Variants in RERE observed in about 807,000 individuals in gnomAD.
RERE encodes arginine-glutamic acid dipeptide repeats protein.
In RERE, 40 loss-of-function variants were observed where a neutral mutation model predicts 146.1. The ratio of observed to expected loss-of-function variants is 0.27; its 90% CI spans 0.21 to 0.36. The LOEUF is 0.36. RERE is among the 10% of genes least tolerant of loss of function. The pLI, the probability that RERE is intolerant of heterozygous loss-of-function variation, is 1.00. For missense variants in RERE, 1,933 were observed against 2,138.7 expected (o/e 0.90, Z 1.90); for synonymous variants, 1,003 against 866.0 (o/e 1.16, Z -2.78).
intron 1 of RERE, among the ~76,000 whole-genome samples, chr1:8,680,088 T>TG (rs1316534059): frequency 1.2e-4 from 19 of 152,064 alleles, no homozygotes; most frequent in African/African-American, 3.9e-4. Flanking sequence ...CGGGTAGGGG[T>TG]GCAAGAGATT....
intron 12 of RERE, among the ~76,000 whole-genome samples, chr1:8,372,229 C>T (rs986052426): frequency 7.2e-5 from 11 of 152,072 alleles, no homozygotes; most frequent in Admixed American, 6.5e-4. Context: ...CTCTTCTGCC[C>T]GAGCCCAGCA....
chr1:8,359,425 G>A (rs1008324813), intron 19 of RERE, among the ~76,000 whole-genome samples: 5 of 152,164 alleles, frequency 3.3e-5, no homozygotes, highest in African/African-American at 7.2e-5. Flanking sequence ...CTCTCAAGGC[G>A]CCCCCTTGTG....
chr1:8,777,974 T>C (rs1641100135), intron 1 of RERE, among the ~76,000 whole-genome samples: 1 of 152,060 alleles, frequency 6.6e-6, no homozygotes, highest in Admixed American at 6.6e-5. Context: ...CTGCACAAAT[T>C]AATTCTCTGA....
At chr1:8,705,960 C>A (rs1482867598) in intron 1 of RERE, among the ~76,000 whole-genome samples, 3 of 151,562 alleles carry the variant, frequency 2.0e-5, no homozygotes, top group Non-Finnish European at 2.9e-5. Flanking sequence ...ACTAAAAATA[C>A]AAAAAATTAG....
At chr1:8,594,740 A>C (rs1295809872) in intron 4 of RERE, among the ~76,000 whole-genome samples, 1 of 152,246 alleles carries the variant, frequency 6.6e-6, no homozygotes, top group African/African-American at 2.4e-5. Flanking sequence ...AGCATAAATA[A>C]GACTTCTGAG....
chr1:8,791,804 C>T (rs1641368114), intron 1 of RERE, among the ~76,000 whole-genome samples: 1 of 151,794 alleles, frequency 6.6e-6, no homozygotes, highest in Admixed American at 6.6e-5. Context: ...TAGTTTCAAA[C>T]CTATAACTCT....
intron 12 of RERE, among the ~76,000 whole-genome samples, chr1:8,415,128 C>T (rs1017302686): frequency 4.6e-5 from 7 of 152,076 alleles, no homozygotes; most frequent in Non-Finnish European, 1.0e-4. Flanking sequence ...AACTAGTTTT[C>T]AAAGTCAGAA....
Position 8,624,314 on chromosome 1 carries a change from T to C in RERE, c.392A>G (p.Lys131Arg). The change falls in exon 3 of 23, where the codon AAA becomes AGA. Residue 131 changes from lysine (K) to arginine (R), a missense_variant. By Grantham distance (26) the Lys-to-Arg change is conservative (BLOSUM62 2). Transcript: ENST00000400908. Reference protein sequence around the residue: ...PYFICSIQDFKLVHNSQACCR... With the variant: ...PYFICSIQDFRLVHNSQACCR... ...CAGCACATTAAAAACGCTTACCAGT[T>C]TGAAGTCTTGAATGCTACAGATGAA... The C allele has an allele frequency of 1.2e-6, 2 of 1,609,060 alleles. No individual in the cohort carries two copies. The highest frequency in any genetic ancestry group is 1.7e-6 in the Non-Finnish European group (2 of 1,177,248).
chr1:8,750,536 T>C (rs1569709473), intron 1 of RERE: 2 of 1,035,890 alleles, frequency 1.9e-6, no homozygotes, highest in East Asian at 4.7e-5. Flanking sequence ...GAGAAAGAAG[T>C]CTGCCCAAAA....
At chr1:8,717,694 A>C (rs1217131930) in intron 1 of RERE, among the ~76,000 whole-genome samples, 1 of 152,258 alleles carries the variant, frequency 6.6e-6, no homozygotes, top group Non-Finnish European at 1.5e-5. Context: ...ACCAATAGCT[A>C]TCAGGATAAA....
intron 12 of RERE, among the ~76,000 whole-genome samples, chr1:8,366,176 G>A (rs6684863): frequency 0.23 from 35,007 of 152,186 alleles, 4,709 homozygotes; most frequent in African/African-American, 0.36. Context: ...CATGAATGGG[G>A]CCCGCCTCCT....
chr1:8,609,473 G>A (rs1488772983), intron 4 of RERE, among the ~76,000 whole-genome samples: 1 of 152,130 alleles, frequency 6.6e-6, no homozygotes. Flanking sequence ...CAATTCTTCT[G>A]AAAATCCAGC....
rs149758332 is a variant in RERE, at chr1:8,514,164, G to A, written c.831-5489C>T. Among the ~76,000 whole-genome samples the A allele has an allele frequency of 4.4e-3, 665 of 152,308 alleles. 2 individuals are homozygous for A. Among genetic ancestry groups the A allele is most frequent in the Non-Finnish European group, 6.5e-3 (445 of 68,036 alleles). ...TTTTTACTTGAAAGTTCAAATCTTA[G>A]CCTTGTCAAATAGTATCAGTGTTTT... On this transcript the variant is annotated intron_variant, in intron 7 of 22. Coordinates refer to ENST00000400908, the MANE Select transcript of RERE (RefSeq NM_001042681.2).
chr1:8,448,257 C>A (rs1166867372), intron 11 of RERE, among the ~76,000 whole-genome samples: 2 of 152,170 alleles, frequency 1.3e-5, no homozygotes, highest in Non-Finnish European at 2.9e-5. Context: ...ATTATTATTA[C>A]TCTCATTTCT....
At chr1:8,607,975 C>T (rs1328761920) in intron 4 of RERE, among the ~76,000 whole-genome samples, 2 of 152,160 alleles carry the variant, frequency 1.3e-5, no homozygotes, top group African/African-American at 4.8e-5. Context: ...ATCCACCCAC[C>T]TCGGCCTCCC....
intron 1 of RERE, among the ~76,000 whole-genome samples, chr1:8,769,143 T>C (rs748735136): frequency 3.9e-5 from 6 of 152,216 alleles, no homozygotes; most frequent in East Asian, 1.9e-4. Context: ...TAGTAAATCA[T>C]TGATTTGAGT....
chr1:8,741,613 C>T (rs1640311525), intron 1 of RERE, among the ~76,000 whole-genome samples: 1 of 152,156 alleles, frequency 6.6e-6, no homozygotes, highest in Non-Finnish European at 1.5e-5. Context: ...TGTCCTGCCA[C>T]CCTGTGAAGA....
intron 1 of RERE, among the ~76,000 whole-genome samples, chr1:8,741,786 T>C (rs989248003): frequency 2.6e-5 from 4 of 152,212 alleles, no homozygotes; most frequent in African/African-American, 4.8e-5. Flanking sequence ...AGGGGAAGCA[T>C]TTTATGAAGC....
At chr1:8,371,687 C>T (rs992747078) in intron 12 of RERE, among the ~76,000 whole-genome samples, 2 of 152,234 alleles carry the variant, frequency 1.3e-5, no homozygotes, top group African/African-American at 2.4e-5. Context: ...ACAGACACAA[C>T]GTAAGACATC....
Sources: gnomAD v4.1 joint callset for allele counts (sites outside exome capture counted in the v4.1 genomes callset) on GRCh38, gnomAD v4.1.1 for gene constraint, MANE v1.5 for transcripts, NCBI Gene and HGNC (gene_info 2026-07-23, HGNC 2026-07-21) for gene names.